The following GNAQ variants were observed in gnomAD, a reference collection of about 807,000 sequenced individuals.
GNAQ encodes G protein subunit alpha q, also known as guanine nucleotide-binding protein G(q) subunit alpha.
GNAQ carries 8 observed loss-of-function variants against 43.9 expected under a neutral mutation model. The observed-to-expected ratio is 0.18, with a 90% CI of 0.11 to 0.33. The LOEUF is 0.33. GNAQ is among the 10% of genes least tolerant of loss of function. GNAQ has a pLI of 1.00. For synonymous variants in GNAQ, 155 were observed against 170.7 expected (o/e 0.91, Z 0.71); for missense variants, 158 against 450.8 (o/e 0.35, Z 5.88).
intron 5 of GNAQ, among the ~76,000 whole-genome samples, chr9:77,750,866 G>C (rs778287589): frequency 5.3e-5 from 8 of 152,114 alleles, no homozygotes; most frequent in Non-Finnish European, 1.0e-4. Context: ...GCTGTGGCAG[G>C]TGATCAATAA....
chr9:77,968,182 T>A (rs1823193080), intron 1 of GNAQ, among the ~76,000 whole-genome samples: 1 of 152,090 alleles, frequency 6.6e-6, no homozygotes, highest in Non-Finnish European at 1.5e-5. Context: ...AAATGGTGAA[T>A]TTTATATTAT....
chr9:77,838,893 T>C (rs1827439112), intron 2 of GNAQ, among the ~76,000 whole-genome samples: 1 of 152,150 alleles, frequency 6.6e-6, no homozygotes, highest in Admixed American at 6.5e-5. Context: ...AGAAGATGAT[T>C]TCTAGATAGT....
chr9:77,865,252 TG>T (rs1174809143), intron 2 of GNAQ, among the ~76,000 whole-genome samples: 1 of 152,248 alleles, frequency 6.6e-6, no homozygotes, highest in Admixed American at 6.5e-5. Flanking sequence ...TGATGGCATT[TG>T]GTGAATACTT....
At chr9:77,762,252 G>A (rs1826048771) in intron 5 of GNAQ, among the ~76,000 whole-genome samples, 4 of 142,672 alleles carry the variant, frequency 2.8e-5, no homozygotes, top group African/African-American at 5.2e-5. Context: ...GGGAGGTTGG[G>A]GGGTCAGCCC....
At chr9:78,005,175 A>C (rs1008657031) in intron 1 of GNAQ, among the ~76,000 whole-genome samples, 39 of 152,140 alleles carry the variant, frequency 2.6e-4, no homozygotes, top group African/African-American at 8.4e-4. Context: ...CACCCCATGT[A>C]GCTGGGACCA....
intron 2 of GNAQ, among the ~76,000 whole-genome samples, chr9:77,897,970 G>T (rs1326431752): frequency 7.0e-5 from 10 of 142,006 alleles, no homozygotes. Context: ...AGCAATGCAA[G>T]AAATCCTTCA....
At chr9:77,904,269 T>C (rs1224768922) in intron 2 of GNAQ, among the ~76,000 whole-genome samples, 1 of 145,998 alleles carries the variant, frequency 6.8e-6, no homozygotes, top group Non-Finnish European at 1.5e-5. Context: ...AATCAATTTC[T>C]AGAACAAAAG....
intron 2 of GNAQ, among the ~76,000 whole-genome samples, chr9:77,916,908 C>A (rs776963307): frequency 9.9e-4 from 151 of 152,098 alleles, no homozygotes; most frequent in Non-Finnish European, 1.7e-3. Context: ...AGAGCAATGG[C>A]CTATCAATAC....
At chr9:77,782,055 T>G (rs946944556) in intron 5 of GNAQ, among the ~76,000 whole-genome samples, 5 of 152,040 alleles carry the variant, frequency 3.3e-5, no homozygotes, top group Admixed American at 2.0e-4. Context: ...GTACACAGAT[T>G]GAGAAGGAAG....
At chr9:77,816,198 T>C (rs1827011532) in intron 2 of GNAQ, among the ~76,000 whole-genome samples, 1 of 152,194 alleles carries the variant, frequency 6.6e-6, no homozygotes, top group African/African-American at 2.4e-5. Context: ...GGGTGTTGTA[T>C]GTCTAAGCAG....
intron 1 of GNAQ, among the ~76,000 whole-genome samples, chr9:77,956,421 T>C (rs1363801898): frequency 6.6e-6 from 1 of 152,228 alleles, no homozygotes; most frequent in Non-Finnish European, 1.5e-5. Flanking sequence ...TTCATGTCCT[T>C]GGAATGCAGG....
intron 1 of GNAQ, among the ~76,000 whole-genome samples, chr9:77,995,831 AT>A (rs1823560597): frequency 6.6e-6 from 1 of 152,150 alleles, no homozygotes; most frequent in African/African-American, 2.4e-5. Flanking sequence ...GAGAATTTTC[AT>A]TTTTAGAATT....
At chr9:77,793,444 G>T (rs1255264690) in intron 5 of GNAQ, among the ~76,000 whole-genome samples, 1 of 152,034 alleles carries the variant, frequency 6.6e-6, no homozygotes, top group Non-Finnish European at 1.5e-5. Context: ...TAGGAGCTTG[G>T]ATATGTATTT....
intron 5 of GNAQ, among the ~76,000 whole-genome samples, chr9:77,739,617 A>G (rs977661214): frequency 1.3e-5 from 2 of 152,172 alleles, no homozygotes; most frequent in East Asian, 1.9e-4. Context: ...CAGTTTCCCA[A>G]TGGGTGTTTT....
At chr9:77,976,834 T>C (rs544671971) in intron 1 of GNAQ, among the ~76,000 whole-genome samples, 7 of 152,356 alleles carry the variant, frequency 4.6e-5, no homozygotes, top group African/African-American at 1.7e-4. Context: ...AAACCTGCTC[T>C]CCATACATGG....
intron 1 of GNAQ, among the ~76,000 whole-genome samples, chr9:77,975,095 T>C (rs1394250049): frequency 2.0e-5 from 3 of 152,148 alleles, no homozygotes; most frequent in Admixed American, 1.3e-4. Flanking sequence ...AAAATACAAG[T>C]TCCCTACAGG....
chr9:77,717,371 TTC>T lies in GNAQ; in HGVS notation c.*3950_*3951del, dbSNP rs1440348567. 4.3e-6 allele frequency: 1 copy of T among 232,352 alleles called. No homozygotes were observed. Among genetic ancestry groups the T allele is most frequent in the African/African-American group, 2.2e-5 (1 of 45,306 alleles). The allele number at this position is 232,352 out of a possible 1,614,324, so 14.4% of individuals were successfully genotyped here. ...CACTTTATTTTTATATGGGTTAACATTCTGCTATATTTCATTTCATTCGTTTT... is the reference window on the plus strand; with the variant it reads ...CACTTTATTTTTATATGGGTTAACATTGCTATATTTCATTTCATTCGTTTT... On this transcript the variant is annotated 3_prime_UTR_variant, in exon 7 of 7. Coordinates refer to ENST00000286548, the MANE Select transcript of GNAQ (RefSeq NM_002072.5).
intron 4 of GNAQ, 98 bp from the exon 5 acceptor site, chr9:77,794,690 C>G (rs1826631045): frequency 1.6e-6 from 1 of 607,870 alleles, no homozygotes; most frequent in African/African-American, 1.9e-5. Flanking sequence ...AAAATATTCT[C>G]TTGAATGACG....
chr9:77,943,333 C>T (rs1342791857), intron 1 of GNAQ, among the ~76,000 whole-genome samples: 1 of 152,226 alleles, frequency 6.6e-6, no homozygotes, highest in African/African-American at 2.4e-5. Flanking sequence ...TATACTGACA[C>T]ATGTTCGACG....
Sources: allele counts gnomAD v4.1 joint callset (sites outside exome capture counted in the v4.1 genomes callset), GRCh38; gene constraint gnomAD v4.1.1; transcripts MANE v1.5; gene names NCBI Gene and HGNC (gene_info 2026-07-23, HGNC 2026-07-21).